The following PCDHA1 variants were observed in gnomAD, a reference collection of about 807,000 sequenced individuals.
PCDHA1 encodes protocadherin alpha 1.
In PCDHA1, 42 loss-of-function variants were observed where a neutral mutation model predicts 61.3. That is an observed-to-expected ratio of 0.69 (90% CI 0.54 to 0.89). PCDHA1 has a LOEUF of 0.89. Ranked by LOEUF, PCDHA1 falls within the 40% of genes least tolerant of loss-of-function variation. The pLI is 0.00. For synonymous variants in PCDHA1, 610 were observed against 553.8 expected, an observed-to-expected ratio of 1.10 and a Z score of -1.43; for missense variants, 1,256 against 1,235.3, an observed-to-expected ratio of 1.02 and a Z score of -0.25.
At chr5:140,827,717 A>G (rs1179234580) in intron 1 of PCDHA1, among the ~76,000 whole-genome samples, 2 of 152,248 alleles carry the variant, frequency 1.3e-5, no homozygotes, top group African/African-American at 4.8e-5. Context: ...ATATTGGTAG[A>G]AAAGTTGTTT....
intron 1 of PCDHA1, chr5:140,807,982 C>A (rs1226145828): frequency 6.2e-7 from 1 of 1,613,314 alleles, no homozygotes; most frequent in Non-Finnish European, 8.5e-7. Context: ...TTAAACTTAA[C>A]GCCTCAGATT....
chr5:140,835,582 C>T, intron 1 of PCDHA1: 1 of 1,613,912 alleles, frequency 6.2e-7, no homozygotes, highest in Non-Finnish European at 8.5e-7. Context: ...TTGGTGTCCA[C>T]CTTCAAGAAT....
At chr5:140,828,301 C>A (rs2150153723) in intron 1 of PCDHA1, 1 of 1,614,080 alleles carries the variant, frequency 6.2e-7, no homozygotes, top group South Asian at 1.1e-5. Context: ...CCTCCAAAGA[C>A]CGCGAGGACC....
chr5:140,876,469 C>T, intron 1 of PCDHA1: 1 of 1,613,956 alleles, frequency 6.2e-7, no homozygotes. Context: ...CATGGCAGGT[C>T]ACAGCATGGT....
chr5:140,844,317 T>G (rs1026706831), intron 1 of PCDHA1, among the ~76,000 whole-genome samples: 3 of 149,600 alleles, frequency 2.0e-5, no homozygotes, highest in African/African-American at 7.3e-5. Context: ...TTCTTCCTAA[T>G]TTTATTATAA....
intron 1 of PCDHA1, chr5:140,811,944 G>A (rs1554125857): frequency 1.3e-5 from 2 of 151,960 alleles, no homozygotes; most frequent in Non-Finnish European, 2.9e-5. Context: ...CTCCCATTCT[G>A]TAGGTTGCCT....
chr5:140,829,425 T>G (rs2150167679), intron 1 of PCDHA1: 1 of 1,613,952 alleles, frequency 6.2e-7, no homozygotes, highest in South Asian at 1.1e-5. Flanking sequence ...TCTGTGGAGG[T>G]GGCCGACATG....
At chr5:140,805,296 G>T in intron 1 of PCDHA1, 1 of 1,267,312 alleles carries the variant, frequency 7.9e-7, no homozygotes, top group South Asian at 2.6e-5. Context: ...GGTGAAAATG[G>T]AATTCTTCCT....
chr5:140,836,864 T>C (rs1774785013), intron 1 of PCDHA1: 1 of 755,194 alleles, frequency 1.3e-6, no homozygotes, highest in Non-Finnish European at 2.1e-6. Context: ...TTTTTAATGT[T>C]ATGCTGTATT....
chr5:140,999,890 T>C (rs2097882236), intron 3 of PCDHA1, among the ~76,000 whole-genome samples: 1 of 152,168 alleles, frequency 6.6e-6, no homozygotes, highest in South Asian at 2.1e-4. Context: ...CAGCTGTAGC[T>C]TGGGACACCA....
intron 3 of PCDHA1, among the ~76,000 whole-genome samples, chr5:140,992,867 C>T (rs2097531825): frequency 6.6e-6 from 1 of 152,184 alleles, no homozygotes; most frequent in Admixed American, 6.5e-5. Context: ...CTCTAGCTCC[C>T]TCCTTGATAT....
chr5:140,946,294 A>G (rs529202868), intron 1 of PCDHA1, among the ~76,000 whole-genome samples: 1 of 152,056 alleles, frequency 6.6e-6, no homozygotes, highest in Admixed American at 6.5e-5. Flanking sequence ...ATCACCTCAC[A>G]CCTGGTAGAA....
chr5:140,953,467 C>T (rs952334269), intron 1 of PCDHA1, among the ~76,000 whole-genome samples: 1 of 152,090 alleles, frequency 6.6e-6, no homozygotes, highest in African/African-American at 2.4e-5. Context: ...AGAGTTTTAA[C>T]TTCCTCATGC....
In PCDHA1 at chr5:140,808,475, G is replaced by A. The variant is rs1359220357; in HGVS notation, c.2394+19791G>A. The A allele has an allele frequency of 2.5e-6, 4 of 1,614,172 alleles. No homozygotes were observed. The highest frequency in any genetic ancestry group is 4.5e-5 in the East Asian group (2 of 44,874). ...TGAGCTGGTGGTGACCGCGCGAGAC[G>A]GGGGCTCGCCTTCGCTGTGGGCCAC... On this transcript the variant is annotated intron_variant, in intron 1 of 3. Transcript: ENST00000504120.
Position 140,803,565 on chromosome 5 carries a change from G to T in PCDHA1, c.2394+14881G>T, listed in dbSNP as rs1763237968. 1 of 1,614,220 alleles carries T rather than the reference G, an allele frequency of 6.2e-7. No homozygotes were observed. The highest frequency in any genetic ancestry group is 8.5e-7 in the Non-Finnish European group (1 of 1,180,044). Reference sequence around the variant, plus strand: ...TAGCCGGGATAGAGAGGAGAAACAGGATGTGGACGTTGATCTCTCAGCCAA... The same window carrying T: ...TAGCCGGGATAGAGAGGAGAAACAGTATGTGGACGTTGATCTCTCAGCCAA... On this transcript the variant is annotated intron_variant, in intron 1 of 3. Transcript: ENST00000504120.
chr5:140,843,138 G>A lies in PCDHA1; in HGVS notation c.2394+54454G>A. The stretch of plus-strand genomic sequence containing the variant: ...GACGCCGACTCGGGCTACAACGCGT[G>A]GCTTTCGTATGAGCTGCAGCCAGCT... On this transcript the variant is annotated intron_variant, in intron 1 of 3. Coordinates refer to ENST00000504120, the MANE Select transcript of PCDHA1 (RefSeq NM_018900.4). 1.3e-6 allele frequency: 2 copies of A among 1,596,034 alleles called. 1 individual carries two copies. The highest frequency in any genetic ancestry group is 1.7e-6 in the Non-Finnish European group (2 of 1,165,594).
intron 1 of PCDHA1, chr5:140,967,972 G>C: frequency 1.2e-6 from 2 of 1,614,190 alleles, no homozygotes; most frequent in Non-Finnish European, 1.7e-6. Flanking sequence ...AAGTGAGCCT[G>C]GGTCTGGAGG....
intron 1 of PCDHA1, among the ~76,000 whole-genome samples, chr5:140,855,303 A>C (rs1045706471): frequency 6.7e-6 from 1 of 149,854 alleles, no homozygotes; most frequent in Admixed American, 6.7e-5. Context: ...CAAAGTTATA[A>C]AATTGGAACA....
At chr5:140,979,548 C>A (rs2153819465) in intron 2 of PCDHA1, among the ~76,000 whole-genome samples, 1 of 152,286 alleles carries the variant, frequency 6.6e-6, no homozygotes, top group African/African-American at 2.4e-5. Context: ...TGACATGGTT[C>A]TTCAGAAGAT....
Sources: allele counts gnomAD v4.1 joint callset (sites outside exome capture counted in the v4.1 genomes callset), GRCh38; gene constraint gnomAD v4.1.1; transcripts MANE v1.5; gene names NCBI Gene and HGNC (gene_info 2026-07-23, HGNC 2026-07-21).